The following LY9 variants were observed in gnomAD, a reference collection of about 807,000 sequenced individuals.
The protein encoded by LY9 is lymphocyte antigen 9.
A neutral mutation model predicts 64.6 loss-of-function variants in LY9; 59 were observed. That is an observed-to-expected ratio of 0.91 (90% confidence interval 0.74 to 1.13). The LOEUF (loss-of-function observed/expected upper bound fraction) is 1.13. Among genes scored for constraint, LY9 ranks in the 50% most tolerant of loss-of-function variants. LY9 has a pLI of 0.00. For synonymous variants in LY9, 281 were observed against 308.5 expected (o/e 0.91, Z 0.93); for missense variants, 789 against 797.2 (o/e 0.99, Z 0.12).
chr1:160,825,009 C>G (rs989304445), intron 9 of LY9, among the ~76,000 whole-genome samples: 4 of 150,066 alleles, frequency 2.7e-5, no homozygotes, highest in Non-Finnish European at 4.4e-5. Flanking sequence ...AAATTCCCAG[C>G]CTGGGCAACA....
intron 5 of LY9, among the ~76,000 whole-genome samples, chr1:160,817,607 C>G (rs1220176148): frequency 1.3e-5 from 2 of 152,176 alleles, no homozygotes; most frequent in Non-Finnish European, 2.9e-5. Flanking sequence ...CTATTCTAGG[C>G]CTTCAGGCAT....
intron 6 of LY9, among the ~76,000 whole-genome samples, chr1:160,819,054 CT>C (rs1668173290): frequency 6.6e-6 from 1 of 152,142 alleles, no homozygotes; most frequent in African/African-American, 2.4e-5. Context: ...GCAAACTACT[CT>C]GATCAGTGGC....
At chr1:160,814,060 C>T in intron 3 of LY9, 149 bp downstream of exon 3, 1 of 844,728 alleles carries the variant, frequency 1.2e-6, no homozygotes, top group Non-Finnish European at 1.8e-6. Context: ...CTCTCAGGGA[C>T]ATGACAGAGG....
chr1:160,814,655 G>A lies in LY9; in HGVS notation c.966G>A (p.Leu322=), dbSNP rs759444680. ...GGGTCTCCAGCCAGGACTGCTCCCT[G>A]AAGATCAGCCAGCTGAAGATAGAGG... ...RVWVSSQDCS[L]KISQLKIEDA... The change falls in exon 4 of 10, where the codon CTG becomes CTA. Residue 322 remains leucine (L), a synonymous_variant. Coordinates refer to ENST00000263285, the MANE Select transcript of LY9 (RefSeq NM_002348.4). The A allele has an allele frequency of 6.2e-7, 1 of 1,614,124 alleles. No homozygotes were observed. Among genetic ancestry groups the A allele is most frequent in the East Asian group, 2.2e-5 (1 of 44,882 alleles).
intron 2 of LY9, chr1:160,811,343 G>T (rs1362056830): frequency 6.6e-6 from 1 of 152,200 alleles, no homozygotes; most frequent in Admixed American, 6.5e-5. Flanking sequence ...TGCTGAGGTG[G>T]TCAAATCTCA....
chr1:160,801,947 G>A (rs1305696683), intron 2 of LY9: 10 of 1,609,462 alleles, frequency 6.2e-6, no homozygotes, highest in East Asian at 2.2e-5. Flanking sequence ...ACTGGAGACC[G>A]CTCCGCCATC....
chr1:160,805,389 T>C (rs1229024790), intron 2 of LY9, among the ~76,000 whole-genome samples: 1 of 152,144 alleles, frequency 6.6e-6, no homozygotes, highest in African/African-American at 2.4e-5. Context: ...TTAATTTCCA[T>C]GTATTTGTAT....
intron 1 of LY9, 133 bp downstream of exon 1, chr1:160,796,444 G>A (rs758159997): frequency 6.2e-5 from 70 of 1,120,170 alleles, no homozygotes; most frequent in Non-Finnish European, 8.1e-5. Flanking sequence ...CCAGGCTGGA[G>A]TGAAGTGGCG....
intron 2 of LY9, among the ~76,000 whole-genome samples, chr1:160,808,188 AC>A (rs1415519518): frequency 6.6e-6 from 1 of 152,122 alleles, no homozygotes; most frequent in Non-Finnish European, 1.5e-5. Context: ...CCACTACTTT[AC>A]CCAGTCTCAG....
Position 160,819,845 on chromosome 1 carries a change from AAGGAAGGAAGGG to A in LY9, c.1498+475_1498+486del, listed in dbSNP as rs1220808942. On this transcript the variant is annotated intron_variant, in intron 7 of 9. Transcript: ENST00000263285. ...AGAAAGAGAGAGAAAGAAAGGAAGG[AAGGAAGGAAGGG>A]AGGGAGGGAGGGAGGGAGGGAGGGA... is the stretch of plus-strand genomic sequence containing the variant. Among the ~76,000 whole-genome samples, 78 of 92,152 alleles carry A rather than the reference AAGGAAGGAAGGG, an allele frequency of 8.5e-4. 1 individual carries two copies. In the East Asian group the frequency reaches 0.019, roughly 22 times the overall value. The allele number at this position is 92,152 out of a possible 152,430, so 60.5% of individuals were successfully genotyped here.
intron 6 of LY9, 103 bp from the exon 7 acceptor site, chr1:160,819,218 A>G: frequency 1.1e-6 from 1 of 883,920 alleles, no homozygotes. Context: ...TTCCCTGTCT[A>G]TGTCCCAGAA....
chr1:160,799,350 A>G (rs141554259), intron 1 of LY9: 4 of 167,126 alleles, frequency 2.4e-5, no homozygotes, highest in Non-Finnish European at 5.1e-5. Flanking sequence ...GCTCCTTTTT[A>G]CTTCATTGGC....
intron 2 of LY9, among the ~76,000 whole-genome samples, chr1:160,809,434 G>A (rs1017228995): frequency 4.0e-5 from 6 of 151,734 alleles, no homozygotes; most frequent in Non-Finnish European, 7.4e-5. Flanking sequence ...CAAACTCCTG[G>A]ACTCAAGCTG....
chr1:160,827,831 G>A lies in LY9; in HGVS notation c.*15G>A. ...ATTTCACCTGAAAGGAAAAGCAGCT[G>A]CTGCCTCTCTCCTGGGACCGTGGGG... On this transcript the variant is annotated 3_prime_UTR_variant, in exon 10 of 10. Coordinates refer to ENST00000263285, the MANE Select transcript of LY9 (RefSeq NM_002348.4). 6.2e-7 allele frequency: 1 copy of A among 1,605,260 alleles called. No individual in the cohort carries two copies. The highest frequency in any genetic ancestry group is 1.1e-5 in the South Asian group (1 of 89,858).
At chr1:160,807,425 G>C (rs191537604) in intron 2 of LY9, among the ~76,000 whole-genome samples, 1 of 152,324 alleles carries the variant, frequency 6.6e-6, no homozygotes, top group African/African-American at 2.4e-5. Context: ...GAAATGTCAA[G>C]TGGGCCAGTC....
intron 2 of LY9, among the ~76,000 whole-genome samples, chr1:160,805,745 A>T (rs1429535079): frequency 1.4e-5 from 1 of 73,700 alleles, no homozygotes; most frequent in Non-Finnish European, 2.7e-5. Context: ...TCTGTCTCAC[A>T]CACACACACA....
chr1:160,818,066 G>A (rs540857633), intron 5 of LY9, 152 bp from the exon 6 acceptor site: 25 of 617,640 alleles, frequency 4.0e-5, no homozygotes, highest in South Asian at 2.2e-4. Flanking sequence ...ATGCTTGCTC[G>A]AAAAATGGTT....
intron 7 of LY9, among the ~76,000 whole-genome samples, chr1:160,821,462 T>C (rs1418279746): frequency 6.6e-6 from 1 of 152,226 alleles, no homozygotes; most frequent in Non-Finnish European, 1.5e-5. Flanking sequence ...TTCCCATTTA[T>C]TCCATTCTAC....
intron 2 of LY9, chr1:160,802,109 C>T: frequency 7.3e-7 from 1 of 1,377,854 alleles, no homozygotes; most frequent in Middle Eastern, 2.7e-4. Flanking sequence ...AACACCGGAG[C>T]CGCCAACTTG....
Sources: gnomAD v4.1 joint callset for allele counts (sites outside exome capture counted in the v4.1 genomes callset) on GRCh38, gnomAD v4.1.1 for gene constraint, MANE v1.5 for transcripts, NCBI Gene and HGNC (gene_info 2026-07-23, HGNC 2026-07-21) for gene names.